Variants in APBB1IP observed in about 807,000 individuals in gnomAD.
APBB1IP encodes the protein amyloid beta precursor protein binding family B member 1 interacting protein, also known as amyloid beta A4 precursor protein-binding family B member 1-interacting protein.
A neutral mutation model predicts 64.9 loss-of-function variants in APBB1IP; 27 were observed. The ratio of observed to expected loss-of-function variants is 0.42; its 90% CI spans 0.31 to 0.57. The LOEUF is 0.57. Ranked by LOEUF, APBB1IP falls within the 20% of genes least tolerant of loss-of-function variation. The pLI is 0.20. For missense variants in APBB1IP, 812 were observed against 845.5 expected, an observed-to-expected ratio of 0.96 and a Z score of 0.49; for synonymous variants, 392 against 331.0, an observed-to-expected ratio of 1.18 and a Z score of -2.00.
Position 26,451,927 on chromosome 10 carries a change from CA to C in APBB1IP, c.-1+13076del, listed in dbSNP as rs775366838. Among the ~76,000 whole-genome samples, 361 of 152,198 alleles carry C rather than the reference CA, an allele frequency of 2.4e-3. 1 individual carries two copies. Among genetic ancestry groups the C allele is most frequent in the Non-Finnish European group, 3.9e-3 (266 of 68,000 alleles). On this transcript the variant is annotated intron_variant, in intron 2 of 14. Coordinates refer to ENST00000376236, the MANE Select transcript of APBB1IP (RefSeq NM_019043.4). Reference sequence around the variant, plus strand: ...TGAATGAAGTCAGGATATTAGATATCAATTATCAACACTTCCTTTCAAAACA... The same window carrying C: ...TGAATGAAGTCAGGATATTAGATATCATTATCAACACTTCCTTTCAAAACA...
chr10:26,538,319 A>C (rs1836653419), intron 10 of APBB1IP, among the ~76,000 whole-genome samples: 1 of 152,182 alleles, frequency 6.6e-6, no homozygotes, highest in African/African-American at 2.4e-5. Flanking sequence ...GTATTAAAAG[A>C]AATGAAGTAG....
At chr10:26,454,128 C>T (rs951017851) in intron 2 of APBB1IP, among the ~76,000 whole-genome samples, 1 of 152,194 alleles carries the variant, frequency 6.6e-6, no homozygotes, top group African/African-American at 2.4e-5. Flanking sequence ...GGCATGTTCT[C>T]ACTTATTTAT....
intron 2 of APBB1IP, among the ~76,000 whole-genome samples, chr10:26,444,415 A>G (rs1473619230): frequency 1.3e-5 from 2 of 152,178 alleles, no homozygotes; most frequent in African/African-American, 4.8e-5. Flanking sequence ...CTGCTTGAGA[A>G]TAAACCTGGG....
intron 2 of APBB1IP, among the ~76,000 whole-genome samples, chr10:26,443,496 GA>G (rs1402558906): frequency 6.6e-6 from 1 of 151,038 alleles, no homozygotes; most frequent in African/African-American, 2.4e-5. Context: ...GGAGGCAAAA[GA>G]AAAAAAGAAT....
At chr10:26,562,595 TGAGACCA>T (rs1399310300) in intron 14 of APBB1IP, among the ~76,000 whole-genome samples, 166 bp downstream of exon 14, 1 of 151,946 alleles carries the variant, frequency 6.6e-6, no homozygotes. Context: ...AGCTTCAGTT[TGAGACCA>T]GACTGGGCAA....
At chr10:26,496,221 A>G (rs1388160674) in intron 3 of APBB1IP, 83 bp from the exon 4 acceptor site, 4 of 1,016,670 alleles carry the variant, frequency 3.9e-6, no homozygotes, top group South Asian at 2.8e-5. Context: ...TAAATGATAC[A>G]TGGTTTTTGA....
chr10:26,517,153 G>T (rs924349146), intron 8 of APBB1IP, among the ~76,000 whole-genome samples: 1 of 152,158 alleles, frequency 6.6e-6, no homozygotes, highest in South Asian at 2.1e-4. Flanking sequence ...TAGCATTTTT[G>T]GGGATGGCAT....
intron 8 of APBB1IP, among the ~76,000 whole-genome samples, chr10:26,529,296 G>A (rs1048441400): frequency 2.6e-5 from 4 of 152,228 alleles, no homozygotes; most frequent in Non-Finnish European, 5.9e-5. Flanking sequence ...GTTCCGATCC[G>A]AAAGCAATCA....
At chr10:26,480,564 T>G (rs1490690666) in intron 2 of APBB1IP, among the ~76,000 whole-genome samples, 1 of 150,818 alleles carries the variant, frequency 6.6e-6, no homozygotes, top group African/African-American at 2.4e-5. Flanking sequence ...AACAGAGAGA[T>G]CATTGGTAAT....
chr10:26,458,961 T>G (rs886432345), intron 2 of APBB1IP, among the ~76,000 whole-genome samples: 3 of 152,114 alleles, frequency 2.0e-5, no homozygotes, highest in Non-Finnish European at 4.4e-5. Context: ...TATTATACTT[T>G]GAGTTTTAGG....
chr10:26,510,874 C>T (rs901262091), intron 6 of APBB1IP, among the ~76,000 whole-genome samples: 33 of 152,242 alleles, frequency 2.2e-4, no homozygotes, highest in Admixed American at 1.6e-3. Flanking sequence ...GTGCCCTGCT[C>T]TAACTATCTG....
intron 11 of APBB1IP, among the ~76,000 whole-genome samples, chr10:26,559,406 A>G (rs915309938): frequency 1.1e-4 from 16 of 151,970 alleles, no homozygotes; most frequent in African/African-American, 2.9e-4. Flanking sequence ...TCTACCAAAA[A>G]AAAAAACAAC....
At chr10:26,447,440 G>A (rs1481050483) in intron 2 of APBB1IP, among the ~76,000 whole-genome samples, 2 of 149,374 alleles carry the variant, frequency 1.3e-5, no homozygotes, top group African/African-American at 2.5e-5. Context: ...AGAAAGATAC[G>A]CCAGGCACCA....
chr10:26,455,820 G>A (rs756066281), intron 2 of APBB1IP, among the ~76,000 whole-genome samples: 9 of 152,144 alleles, frequency 5.9e-5, no homozygotes, highest in East Asian at 3.9e-4. Context: ...AAGAGAAATC[G>A]AAACATACAT....
intron 11 of APBB1IP, among the ~76,000 whole-genome samples, chr10:26,546,517 A>G (rs1243578332): frequency 1.3e-5 from 2 of 152,248 alleles, no homozygotes; most frequent in African/African-American, 4.8e-5. Context: ...TCATCAAATC[A>G]TGGTAATTAG....
At chr10:26,450,507 CA>C (rs1416302553) in intron 2 of APBB1IP, among the ~76,000 whole-genome samples, 4 of 152,162 alleles carry the variant, frequency 2.6e-5, no homozygotes, top group African/African-American at 9.7e-5. Flanking sequence ...GTGTTTTAGT[CA>C]AATAGTCCAT....
intron 2 of APBB1IP, among the ~76,000 whole-genome samples, chr10:26,467,971 T>C (rs1835668190): frequency 6.6e-6 from 1 of 152,196 alleles, no homozygotes; most frequent in Non-Finnish European, 1.5e-5. Flanking sequence ...ACTTACTGAG[T>C]GTTTAACACA....
chr10:26,560,351 T>C (rs1388426726), intron 12 of APBB1IP, 148 bp downstream of exon 12: 90 of 698,262 alleles, frequency 1.3e-4, no homozygotes, highest in Non-Finnish European at 1.9e-4. Context: ...GTGGGTTTTC[T>C]AAATGGGAGG....
intron 2 of APBB1IP, among the ~76,000 whole-genome samples, chr10:26,447,805 A>AT (rs1835418502): frequency 2.0e-5 from 3 of 152,058 alleles, no homozygotes; most frequent in African/African-American, 7.2e-5. Flanking sequence ...CTCCCATCCC[A>AT]TTTTTTTATT....
Sources: gnomAD v4.1 joint callset for allele counts (sites outside exome capture counted in the v4.1 genomes callset) on GRCh38, gnomAD v4.1.1 for gene constraint, MANE v1.5 for transcripts, NCBI Gene and HGNC (gene_info 2026-07-23, HGNC 2026-07-21) for gene names.